NEFM: variants seen among roughly 807,000 people sequenced by gnomAD.
The protein encoded by NEFM is neurofilament medium chain, also known as neurofilament medium polypeptide.
In NEFM, 16 loss-of-function variants were observed where a neutral mutation model predicts 48.1. That is an observed-to-expected ratio of 0.33 (90% CI 0.23 to 0.51). The LOEUF is 0.51. Ranked by LOEUF, NEFM falls within the 20% of genes least tolerant of loss-of-function variation. The pLI is 0.98. For missense variants in NEFM, 1,107 were observed against 1,136.0 expected (o/e 0.97, Z 0.37); for synonymous variants, 465 against 456.9 (o/e 1.02, Z -0.23).
In NEFM at chr8:24,914,749, A is replaced by T; in HGVS notation, c.956A>T (p.Glu319Val). 1 of 1,613,126 alleles carries T rather than the reference A, an allele frequency of 6.2e-7. No homozygotes were observed. Among genetic ancestry groups the T allele is most frequent in the Non-Finnish European group, 8.5e-7 (1 of 1,179,726 alleles). ...AIRSAKEEIA[E>V]YRRQLQSKSI... ...CGCTCCGCCAAGGAAGAGATCGCCG[A>T]GTACCGGCGCCAGCTGCAGTCCAAG... Residue 319 changes from glutamate to valine, a missense_variant, in exon 1 of 3, where the codon GAG (glutamate) becomes GTG (valine). Glu to Val is a moderately radical substitution (Grantham distance 121). This residue lies in a region of NEFM where 917 missense variants were observed against 916.4 expected (regional missense o/e 1.00). Transcript: ENST00000221166.
Position 24,917,236 on chromosome 8 carries a change from A to C in NEFM, c.1381A>C (p.Lys461Gln). Residue 461 changes from lysine to glutamine, a missense_variant, in exon 3 of 3, where the codon AAA becomes CAA. Lys to Gln is a moderately conservative substitution (Grantham distance 53). Around this residue, in one of 3 missense-constraint regions of NEFM, gnomAD observed 917 missense variants for 916.4 expected, o/e 1.00. Coordinates refer to ENST00000221166, the MANE Select transcript of NEFM (RefSeq NM_005382.2). Reference sequence around the variant, plus strand: ...TGTCGAGGAGATCATAGAGGAAACCAAAGTGGAGGATGAGAAGTCAGAAAT... The same window carrying C: ...TGTCGAGGAGATCATAGAGGAAACCCAAGTGGAGGATGAGAAGTCAGAAAT... ...KFVEEIIEETKVEDEKSEMEE... is the reference protein window; with the variant it reads ...KFVEEIIEETQVEDEKSEMEE... The C allele has an allele frequency of 6.2e-7, 1 of 1,614,168 alleles. No homozygotes were observed. Among genetic ancestry groups the C allele is most frequent in the South Asian group, 1.1e-5 (1 of 91,076 alleles).
At chr8:24,916,967 C>A (rs1802582713) in intron 2 of NEFM, 94 bp from the exon 3 acceptor site, 2 of 998,398 alleles carry the variant, frequency 2.0e-6, no homozygotes, top group Non-Finnish European at 3.2e-6. Context: ...TCTATTTATT[C>A]AAAGGTAGCT....
Position 24,917,417 on chromosome 8 carries a change from A to G in NEFM, c.1562A>G (p.Lys521Arg). Reference sequence around the variant, plus strand: ...GTGAAAGCAACTGCACCTGAAGTTAAAGAAGAGGAAGGGGAAAAGGAGGAA... The same window carrying G: ...GTGAAAGCAACTGCACCTGAAGTTAGAGAAGAGGAAGGGGAAAAGGAGGAA... Reference protein sequence around the residue: ...SPVKATAPEVKEEEGEKEEEE... With the variant: ...SPVKATAPEVREEEGEKEEEE... The change falls in exon 3 of 3, where the codon AAA (lysine) becomes AGA (arginine). Residue 521 changes from lysine (K) to arginine (R), a missense_variant. Physicochemically the swap from Lys to Arg is conservative, Grantham distance 26. Around this residue, in one of 3 missense-constraint regions of NEFM, gnomAD observed 917 missense variants for 916.4 expected, o/e 1.00. Transcript: ENST00000221166. The G allele has an allele frequency of 6.4e-7, 1 of 1,560,432 alleles. No homozygotes were observed. Among genetic ancestry groups the G allele is most frequent in the South Asian group, 1.2e-5 (1 of 85,182 alleles).
In NEFM at chr8:24,914,432, G is replaced by A. The variant is rs199872774; in HGVS notation, c.639G>A (p.Ala213=). ...CGCTGCGCAAAGACATCGAGGAGGC[G>A]TCGCTGGTCAAGGTGGAGCTGGACA... The part of the protein sequence containing the change: ...IRALRKDIEE[A]SLVKVELDKK... Residue 213 remains alanine (A), a synonymous_variant, in exon 1 of 3, where the codon GCG becomes GCA. Coordinates refer to ENST00000221166, the MANE Select transcript of NEFM (RefSeq NM_005382.2). The A allele has an allele frequency of 1.2e-6, 2 of 1,613,686 alleles. No homozygotes were observed. Among genetic ancestry groups the A allele is most frequent in the East Asian group, 4.5e-5 (2 of 44,860 alleles).
rs922086002 is a variant in NEFM, at chr8:24,916,781, G to A, written c.1206-280G>A. On this transcript the variant is annotated intron_variant, in intron 2 of 2. Coordinates refer to ENST00000221166, the MANE Select transcript of NEFM (RefSeq NM_005382.2). ...TGTACCTAATGGATCTCTACTGCAG[G>A]GCCAAGACTTAGTAGCTGGGTGTGG... is the stretch of plus-strand genomic sequence containing the variant. Among the ~76,000 whole-genome samples the A allele has an allele frequency of 3.3e-5, 5 of 151,946 alleles. No individual in the cohort carries two copies. The South Asian group carries it at 6.2e-4, about 19-fold the overall frequency.
intron 2 of NEFM, 85 bp from the exon 3 acceptor site, chr8:24,916,976 C>G: frequency 9.3e-7 from 1 of 1,071,252 alleles, no homozygotes; most frequent in Non-Finnish European, 1.5e-6. Context: ...TCAAAGGTAG[C>G]TACCACAATA....
chr8:24,916,889 T>C (rs906481602), intron 2 of NEFM, among the ~76,000 whole-genome samples, 172 bp from the exon 3 acceptor site: 25 of 152,170 alleles, frequency 1.6e-4, no homozygotes, highest in African/African-American at 5.8e-4. Flanking sequence ...TCACTGAGTA[T>C]AATGTAATAT....
chr8:24,918,940 A>G lies in NEFM; in HGVS notation c.*334A>G, dbSNP rs578211723. 1 of 330,470 alleles carries G rather than the reference A, an allele frequency of 3.0e-6. No homozygotes were observed. Among genetic ancestry groups the G allele is most frequent in the Non-Finnish European group, 5.7e-6 (1 of 175,796 alleles). 20.5% of individuals were successfully genotyped at this position (330,470 alleles called of 1,614,324 possible). A position where few individuals can be genotyped will look rare whatever the true frequency, so the allele number is the denominator to read the frequency against. On this transcript the variant is annotated 3_prime_UTR_variant, in exon 3 of 3. Transcript: ENST00000221166. The stretch of plus-strand genomic sequence containing the variant: ...CACAGAACTCAGCCTTAAGAAAGCT[A>G]TATATGAATAATTATGTTTACCTCA...
Position 24,914,355 on chromosome 8 carries a change from C to T in NEFM, c.562C>T (p.Arg188Cys), listed in dbSNP as rs749729390. ...GGAAGACATCCACCGGCTCAAGGAG[C>T]GCTTTGAGGAGGAGGCGCGGTTGCG... ...LEEDIHRLKE[R>C]FEEEARLRDD... Residue 188 changes from arginine (R) to cysteine (C), a missense_variant, in exon 1 of 3, where the codon CGC (arginine) becomes TGC (cysteine). Arg to Cys is a radical substitution (Grantham distance 180, BLOSUM62 -3). This residue lies in a region of NEFM where 917 missense variants were observed against 916.4 expected (regional missense o/e 1.00). Coordinates refer to ENST00000221166, the MANE Select transcript of NEFM (RefSeq NM_005382.2). The T allele has an allele frequency of 6.2e-7, 1 of 1,613,628 alleles. No individual in the cohort carries two copies. The highest frequency in any genetic ancestry group is 2.2e-5 in the East Asian group (1 of 44,858).
In NEFM at chr8:24,918,321, G is replaced by A; in HGVS notation, c.2466G>A (p.Gly822=). 6.2e-7 allele frequency: 1 copy of A among 1,613,966 alleles called. No individual in the cohort carries two copies. Among genetic ancestry groups the A allele is most frequent in the East Asian group, 2.2e-5 (1 of 44,870 alleles). Reference sequence around the variant, plus strand: ...AGGAGACCAAGGAAAAAGGCAGTGGGAGGGAAGAGGAGAAAGGCGTTGTCA... The same window carrying A: ...AGGAGACCAAGGAAAAAGGCAGTGGAAGGGAAGAGGAGAAAGGCGTTGTCA... ...VEQETKEKGS[G]REEEKGVVTN... The change falls in exon 3 of 3, where the codon GGG becomes GGA. Residue 822 remains glycine, a synonymous_variant. Coordinates refer to ENST00000221166, the MANE Select transcript of NEFM (RefSeq NM_005382.2).
chr8:24,917,628 G>C lies in NEFM; in HGVS notation c.1773G>C (p.Lys591Asn). The C allele has an allele frequency of 6.2e-7, 1 of 1,612,914 alleles. No homozygotes were observed. Among genetic ancestry groups the C allele is most frequent in the Non-Finnish European group, 8.5e-7 (1 of 1,179,810 alleles). ...AAGAGGAAAAGAAAGTGGAGGAAAAGAGTGAGGAAGTGGCTACCAAGGAGG... is the reference window on the plus strand; with the variant it reads ...AAGAGGAAAAGAAAGTGGAGGAAAACAGTGAGGAAGTGGCTACCAAGGAGG... ...EAKEEKKVEE[K>N]SEEVATKEEL... Residue 591 changes from lysine (K) to asparagine (N), a missense_variant, in exon 3 of 3, where the codon AAG becomes AAC. Lys to Asn is a moderately conservative substitution (Grantham distance 94). Around this residue, in one of 3 missense-constraint regions of NEFM, gnomAD observed 917 missense variants for 916.4 expected, o/e 1.00. Coordinates refer to ENST00000221166, the MANE Select transcript of NEFM (RefSeq NM_005382.2).
Position 24,914,184 on chromosome 8 carries a change from G to A in NEFM, c.391G>A (p.Ala131Thr). 6.2e-7 allele frequency: 1 copy of A among 1,612,378 alleles called. No individual in the cohort carries two copies. Among genetic ancestry groups the A allele is most frequent in the Non-Finnish European group, 8.5e-7 (1 of 1,179,496 alleles). Reference protein sequence around the residue: ...YLEQQNKEIEAEIQALRQKQA... With the variant: ...YLEQQNKEIETEIQALRQKQA... ...GGAGCAGCAGAATAAGGAGATTGAG[G>A]CGGAGATCCAGGCGCTGCGGCAGAA... The change falls in exon 1 of 3, where the codon GCG (alanine) becomes ACG (threonine). Residue 131 changes from alanine (A) to threonine (T), a missense_variant. Physicochemically the swap from Ala to Thr is moderately conservative, Grantham distance 58. Coordinates refer to ENST00000221166, the MANE Select transcript of NEFM (RefSeq NM_005382.2).
At chr8:24,915,069 C>G in intron 1 of NEFM, 196 bp downstream of exon 1, 1 of 1,378,982 alleles carries the variant, frequency 7.3e-7, no homozygotes, top group Non-Finnish European at 9.3e-7. Context: ...CCCCACCCAC[C>G]TGCCCCAGCT....
At position 24,917,553 on chromosome 8, in the gene NEFM, G is replaced by A. The variant is rs1563243343; in HGVS notation, c.1698G>A (p.Gln566=). The A allele has an allele frequency of 3.2e-6, 5 of 1,569,360 alleles. No individual in the cohort carries two copies. The South Asian group carries it at 4.7e-5, about 15-fold the overall frequency. The change falls in exon 3 of 3, where the codon CAG becomes CAA. Residue 566 remains glutamine (Q), a synonymous_variant. Transcript: ENST00000221166. The stretch of plus-strand genomic sequence containing the variant: ...CTAGTGAAAAAGAGGAAGGTGAGCA[G>A]GAAGAAGGAGAAACAGAAGCTGAAG... ...EGSSEKEEGE[Q]EEGETEAEAE...
At position 24,914,485 on chromosome 8, in the gene NEFM, T is replaced by C; in HGVS notation, c.692T>C (p.Val231Ala). 1 of 1,613,702 alleles carries C rather than the reference T, an allele frequency of 6.2e-7. No homozygotes were observed. ...AAGGTGCAGTCGCTGCAGGATGAGG[T>C]GGCCTTCCTGCGGAGCAACCACGAG... ...DKKVQSLQDEVAFLRSNHEEE... is the reference protein window; with the variant it reads ...DKKVQSLQDEAAFLRSNHEEE... The change falls in exon 1 of 3, where the codon GTG (valine) becomes GCG (alanine). Residue 231 changes from valine to alanine, a missense_variant. Val to Ala is a moderately conservative substitution (Grantham distance 64, BLOSUM62 0). Transcript: ENST00000221166.
chr8:24,914,830 G>T lies in NEFM; in HGVS notation c.1037G>T (p.Ser346Ile). 6.3e-7 allele frequency: 1 copy of T among 1,599,158 alleles called. No individual in the cohort carries two copies. Reference protein sequence around the residue: ...GTKESLERQLSDIEERHNHDL... With the variant: ...GTKESLERQLIDIEERHNHDL... ...AAGGAGTCCCTGGAGCGGCAGCTCA[G>T]CGACATCGAGGAGCGCCACAACCAC... Residue 346 changes from serine to isoleucine, a missense_variant, in exon 1 of 3, where the codon AGC becomes ATC. Ser to Ile is a moderately radical substitution (Grantham distance 142). Coordinates refer to ENST00000221166, the MANE Select transcript of NEFM (RefSeq NM_005382.2).
chr8:24,918,821 G>A lies in NEFM; in HGVS notation c.*215G>A, dbSNP rs772266189. The stretch of plus-strand genomic sequence containing the variant: ...ATTGTATGTACCTGGGAAATTTGCC[G>A]ATTTCCTAAGCTGTTGGAAGGGGGT... On this transcript the variant is annotated 3_prime_UTR_variant, in exon 3 of 3. Coordinates refer to ENST00000221166, the MANE Select transcript of NEFM (RefSeq NM_005382.2). 18 of 577,988 alleles carry A rather than the reference G, an allele frequency of 3.1e-5. No homozygotes were observed. The highest frequency in any genetic ancestry group is 9.3e-4 in the Middle Eastern group (2 of 2,140). 35.8% of individuals were successfully genotyped at this position (577,988 alleles called of 1,614,324 possible).
At position 24,915,677 on chromosome 8, in the gene NEFM, C is replaced by A; in HGVS notation, c.1153C>A (p.Gln385Lys). ...AATGGCTCGTCATTTGCGCGAATAC[C>A]AGGACCTCCTCAACGTCAAGATGGC... ...WEMARHLREY[Q>K]DLLNVKMALD... Residue 385 changes from glutamine to lysine, a missense_variant, in exon 2 of 3, where the codon CAG (glutamine) becomes AAG (lysine). Around this residue, in one of 3 missense-constraint regions of NEFM, gnomAD observed 917 missense variants for 916.4 expected, o/e 1.00. Transcript: ENST00000221166. 1.9e-6 allele frequency: 3 copies of A among 1,614,016 alleles called. No individual in the cohort carries two copies. Among genetic ancestry groups the A allele is most frequent in the Non-Finnish European group, 2.5e-6 (3 of 1,180,002 alleles).
At position 24,915,369 on chromosome 8, in the gene NEFM, C is replaced by T. The variant is rs1482693540; in HGVS notation, c.1081-236C>T. On this transcript the variant is annotated intron_variant, in intron 1 of 2. Transcript: ENST00000221166. ...TGTTCTAAGTCCACTGGTCTCCGTG[C>T]GTGATGTGCCCAGGAAGTGTCCTAT... 8.2e-6 allele frequency: 9 copies of T among 1,094,632 alleles called. 1 individual carries two copies. The highest frequency in any genetic ancestry group is 1.2e-6 in the Non-Finnish European group (1 of 812,050). The allele number at this position is 1,094,632 out of a possible 1,614,324, so 67.8% of individuals were successfully genotyped here. A position where few individuals can be genotyped will look rare whatever the true frequency, so the allele number is the denominator to read the frequency against.
Sources: allele counts gnomAD v4.1 joint callset (sites outside exome capture counted in the v4.1 genomes callset), GRCh38; gene constraint gnomAD v4.1.1; regional missense constraint gnomAD v4.1.1; transcripts MANE v1.5; gene names NCBI Gene and HGNC (gene_info 2026-07-23, HGNC 2026-07-21).